The following TESPA1 variants were observed in gnomAD, a reference collection of about 807,000 sequenced individuals.
The protein encoded by TESPA1 is protein TESPA1.
Under a neutral mutation model 57.9 loss-of-function variants are expected in TESPA1, and 33 were observed. The observed-to-expected ratio is 0.57, with a 90% CI of 0.43 to 0.76. The LOEUF (loss-of-function observed/expected upper bound fraction) is 0.76. Among genes scored for constraint, TESPA1 ranks in the 30% least tolerant of loss-of-function variants. TESPA1 has a pLI of 0.00. For missense variants in TESPA1, 618 were observed against 632.9 expected, an observed-to-expected ratio of 0.98 and a Z score of 0.25; for synonymous variants, 227 against 228.9, an observed-to-expected ratio of 0.99 and a Z score of 0.07.
rs759610015 is a variant in TESPA1 at position 54,973,691 on chromosome 12, T to C, written c.164-172A>G. ...AGGAATACACCGTATATAAAAATAGTAGATATTTCTTCTCTCTCTCTGCTT... is the reference window on the plus strand; with the variant it reads ...AGGAATACACCGTATATAAAAATAGCAGATATTTCTTCTCTCTCTCTGCTT... On this transcript the variant is annotated intron_variant, in intron 2 of 10. Transcript: ENST00000449076. The C allele has an allele frequency of 2.2e-4, 305 of 1,383,608 alleles. 1 individual carries two copies. Among genetic ancestry groups the C allele is most frequent in the Non-Finnish European group, 2.7e-4 (293 of 1,070,480 alleles). The allele number at this position is 1,383,608 out of a possible 1,614,324, so 85.7% of individuals were successfully genotyped here. A position where few individuals can be genotyped will look rare whatever the true frequency, so the allele number is the denominator to read the frequency against.
At position 54,949,698 on chromosome 12, in the gene TESPA1, GGAGAA is replaced by G. The variant is rs1950267839; in HGVS notation, c.*689_*693del. 6.6e-6 allele frequency: 1 copy of G among 152,534 alleles called. No individual in the cohort carries two copies. The highest frequency in any genetic ancestry group is 2.4e-5 in the African/African-American group (1 of 41,442). 9.4% of individuals were successfully genotyped at this position (152,534 alleles called of 1,614,324 possible). On this transcript the variant is annotated 3_prime_UTR_variant, in exon 11 of 11. Transcript: ENST00000449076. ...GCATTTTTTCCCCCCACAATGGCTA[GGAGAA>G]GAGACTCTGAATCCTACTTATCTCT...
At chr12:54,978,711 C>T (rs1952215556) in intron 1 of TESPA1, among the ~76,000 whole-genome samples, 1 of 152,174 alleles carries the variant, frequency 6.6e-6, no homozygotes, top group Admixed American at 6.5e-5. Context: ...AACTTTTCTG[C>T]TTTTTTGCTT....
intron 10 of TESPA1, among the ~76,000 whole-genome samples, chr12:54,952,704 A>G (rs2371052): frequency 0.21 from 31,244 of 152,194 alleles, 5,457 homozygotes; most frequent in East Asian, 0.84. Context: ...CAGGTCAAGC[A>G]TATTGCTGGT....
Position 54,967,211 on chromosome 12 carries a change from A to G in TESPA1, c.282T>C (p.Phe94=). Residue 94 remains phenylalanine (F), a synonymous_variant, in exon 5 of 11, where the codon TTT becomes TTC. Transcript: ENST00000449076. ...YNGFCSHGTS[F]EDDLTLGAEA... ...CCGCTCCCAGGGTCAAGTCATCTTC[A>G]AAGCTGGTCCCATGGCTGCAGAAGC... The G allele has an allele frequency of 6.2e-7, 1 of 1,613,078 alleles. No homozygotes were observed. Among genetic ancestry groups the G allele is most frequent in the Non-Finnish European group, 8.5e-7 (1 of 1,179,658 alleles).
chr12:54,971,231 A>AG (rs2136170094), intron 3 of TESPA1, among the ~76,000 whole-genome samples: 1 of 152,386 alleles, frequency 6.6e-6, no homozygotes, highest in Non-Finnish European at 1.5e-5. Context: ...AGTGCCCCTC[A>AG]GGGCACCTGG....
At chr12:54,966,448 A>G (rs1258454049) in intron 5 of TESPA1, 24 bp from the exon 6 acceptor site, 2 of 1,609,674 alleles carry the variant, frequency 1.2e-6, no homozygotes, top group African/African-American at 1.3e-5. Context: ...AGAGAAGCAA[A>G]GAGCAAATTA....
chr12:54,971,397 C>A (rs1324321817), intron 3 of TESPA1, among the ~76,000 whole-genome samples: 2 of 152,232 alleles, frequency 1.3e-5, no homozygotes, highest in African/African-American at 4.8e-5. Flanking sequence ...GTCAAGTGTA[C>A]TCTCACTATC....
rs745614515 is a variant in TESPA1, at chr12:54,963,735, C to T, written c.655+7G>A. 1.9e-6 allele frequency: 3 copies of T among 1,609,490 alleles called. No individual in the cohort carries two copies. The highest frequency in any genetic ancestry group is 2.5e-6 in the Non-Finnish European group (3 of 1,178,190). ...AAGTAGAGCAGGTGCCTGGGAGGGA[C>T]ACTCACTGGCCAGCATGAGGCAGGG... is the stretch of plus-strand genomic sequence containing the variant. On this transcript the variant is annotated splice_region_variant and intron_variant, in intron 8 of 10. Transcript: ENST00000449076.
chr12:54,953,407 G>A (rs879483129), intron 10 of TESPA1, among the ~76,000 whole-genome samples: 16 of 151,994 alleles, frequency 1.1e-4, no homozygotes, highest in South Asian at 2.1e-4. Context: ...CTTTCTCTCT[G>A]CCTAGAATAT....
intron 1 of TESPA1, among the ~76,000 whole-genome samples, chr12:54,975,206 C>G (rs1458391837): frequency 6.7e-6 from 1 of 150,060 alleles, no homozygotes; most frequent in African/African-American, 2.5e-5. Context: ...TGATTTCTCT[C>G]AGAAAAAAAA....
chr12:54,963,143 G>A lies in TESPA1; in HGVS notation c.755C>T (p.Ser252Phe). ...ATGGTTGCAATTCCAGAACATGTGG[G>A]ATGGTGTGAACTTTTGGACAGGTGT... Reference protein sequence around the residue: ...SKTPVQKFTPSHMFWNCNHPT... With the variant: ...SKTPVQKFTPFHMFWNCNHPT... The change falls in exon 9 of 11, where the codon TCC (serine) becomes TTC (phenylalanine). Residue 252 changes from serine (S) to phenylalanine (F), a missense_variant. Physicochemically the swap from Ser to Phe is radical, Grantham distance 155. This residue lies in a region of TESPA1 where 409 missense variants were observed against 420.1 expected (regional missense o/e 0.97). Transcript: ENST00000449076. The A allele has an allele frequency of 1.2e-6, 2 of 1,613,926 alleles. No homozygotes were observed. The highest frequency in any genetic ancestry group is 1.7e-6 in the Non-Finnish European group (2 of 1,179,884).
intron 2 of TESPA1, 113 bp downstream of exon 2, chr12:54,974,287 C>G: frequency 1.1e-6 from 1 of 884,922 alleles, no homozygotes. Flanking sequence ...TCAAAACAGT[C>G]CTCCCTGAGG....
rs1450522309 is a variant in TESPA1, at chr12:54,948,745, A to C, written c.*1647T>G. 1 of 152,412 alleles carries C rather than the reference A, an allele frequency of 6.6e-6. No homozygotes were observed. The highest frequency in any genetic ancestry group is 2.4e-5 in the African/African-American group (1 of 41,452). The allele number at this position is 152,412 out of a possible 1,614,324, so 9.4% of individuals were successfully genotyped here. A position where few individuals can be genotyped will look rare whatever the true frequency, so the allele number is the denominator to read the frequency against. ...TACCCAGTCTCAGGTATTTATTTAT[A>C]GCAGTGTGAGAATGGACTAATACAG... On this transcript the variant is annotated 3_prime_UTR_variant, in exon 11 of 11. Transcript: ENST00000449076.
chr12:54,970,202 T>C (rs954105623), intron 3 of TESPA1, among the ~76,000 whole-genome samples: 6 of 152,206 alleles, frequency 3.9e-5, no homozygotes, highest in African/African-American at 1.4e-4. Flanking sequence ...GCTCCCAAAG[T>C]GCTGGGGTTA....
intron 10 of TESPA1, among the ~76,000 whole-genome samples, chr12:54,956,685 T>G (rs780130666): frequency 7.9e-5 from 12 of 152,334 alleles, no homozygotes; most frequent in Non-Finnish European, 1.3e-4. Context: ...CTGTTTGACT[T>G]CATTTCGTGT....
At chr12:54,974,335 C>T in intron 2 of TESPA1, 65 bp downstream of exon 2, 1 of 1,457,192 alleles carries the variant, frequency 6.9e-7, no homozygotes, top group East Asian at 2.5e-5. Flanking sequence ...ACTCTGCAGA[C>T]CTGGGCCTGC....
At chr12:54,966,680 G>T (rs936687898) in intron 5 of TESPA1, among the ~76,000 whole-genome samples, 1 of 151,284 alleles carries the variant, frequency 6.6e-6, no homozygotes, top group African/African-American at 2.4e-5. Context: ...TTAGGCAAGA[G>T]CCCCTCTGTC....
chr12:54,979,947 C>T (rs948011343), intron 1 of TESPA1, among the ~76,000 whole-genome samples: 2 of 152,172 alleles, frequency 1.3e-5, no homozygotes, highest in African/African-American at 4.8e-5. Context: ...AACTGCTTAA[C>T]TTAATCCTGA....
In TESPA1 at chr12:54,962,518, G is replaced by C; in HGVS notation, c.1380C>G (p.Thr460=). 6.2e-7 allele frequency: 1 copy of C among 1,613,592 alleles called. No individual in the cohort carries two copies. Among genetic ancestry groups the C allele is most frequent in the South Asian group, 1.1e-5 (1 of 91,062 alleles). The part of the protein sequence containing the change: ...RKVKSLDLSI[T]QQKWKQSVDR... ...CTACACTCTGCTTCCATTTCTGCTGGGTGATGGACAGGTCCAAGGACTTAA... is the reference window on the plus strand; with the variant it reads ...CTACACTCTGCTTCCATTTCTGCTGCGTGATGGACAGGTCCAAGGACTTAA... Residue 460 remains threonine (T), a synonymous_variant, in exon 9 of 11, where the codon ACC becomes ACG. Transcript: ENST00000449076.
Sources: gnomAD v4.1 joint callset for allele counts (sites outside exome capture counted in the v4.1 genomes callset) on GRCh38, gnomAD v4.1.1 for gene constraint, gnomAD v4.1.1 regional missense constraint, MANE v1.5 for transcripts, NCBI Gene and HGNC (gene_info 2026-07-23, HGNC 2026-07-21) for gene names.